Variants in FAT4 observed in about 807,000 individuals in gnomAD.
FAT4 encodes FAT atypical cadherin 4, also known as protocadherin Fat 4.
A neutral mutation model predicts 303.9 loss-of-function variants in FAT4; 84 were observed. The observed-to-expected ratio is 0.28, with a 90% CI of 0.23 to 0.33. The LOEUF (loss-of-function observed/expected upper bound fraction) is 0.33. FAT4 is among the 10% of genes least tolerant of loss of function. The pLI is 1.00. For missense variants in FAT4, 6,005 were observed against 6,146.8 expected (o/e 0.98, Z 0.77); for synonymous variants, 2,307 against 2,298.8 (o/e 1.00, Z -0.10).
In FAT4 at chr4:125,320,000, C is replaced by T. The variant is rs369163263; in HGVS notation, c.3589C>T (p.His1197Tyr). 5.6e-6 allele frequency: 9 copies of T among 1,612,922 alleles called. No homozygotes were observed. The highest frequency in any genetic ancestry group is 7.6e-6 in the Non-Finnish European group (9 of 1,180,006). ...GCCTCTCAAGGATCAGGCCACTGTA[C>T]ATGTTTACATGAAGGATATAAATGA... Reference protein sequence around the residue: ...PQPLKDQATVHVYMKDINDNA... With the variant: ...PQPLKDQATVYVYMKDINDNA... Residue 1197 changes from histidine to tyrosine, a missense_variant, in exon 2 of 18, where the codon CAT becomes TAT. Transcript: ENST00000394329.
intron 7 of FAT4, among the ~76,000 whole-genome samples, chr4:125,422,852 T>C (rs141894751): frequency 5.3e-5 from 8 of 152,262 alleles, no homozygotes; most frequent in African/African-American, 1.9e-4. Flanking sequence ...ACAGACTTTT[T>C]GAATGGCTTT....
rs545416242 is a variant in FAT4 at position 125,492,624 on chromosome 4, A to C, written c.*856A>C. On this transcript the variant is annotated 3_prime_UTR_variant, in exon 18 of 18. Transcript: ENST00000394329. Reference sequence around the variant, plus strand: ...GATTGGACTTATTTTCCAACCAGATAACATTTACTCTAAGTACCCAGTTTT... The same window carrying C: ...GATTGGACTTATTTTCCAACCAGATCACATTTACTCTAAGTACCCAGTTTT... 6.5e-6 allele frequency: 1 copy of C among 152,758 alleles called. No homozygotes were observed. The highest frequency in any genetic ancestry group is 1.9e-4 in the East Asian group (1 of 5,186). 9.5% of individuals were successfully genotyped at this position (152,758 alleles called of 1,614,324 possible). A position where few individuals can be genotyped will look rare whatever the true frequency, so the allele number is the denominator to read the frequency against.
intron 17 of FAT4, among the ~76,000 whole-genome samples, 198 bp from the exon 18 acceptor site, chr4:125,489,703 G>A (rs1012543457): frequency 4.6e-5 from 7 of 151,964 alleles, no homozygotes; most frequent in African/African-American, 1.2e-4. Context: ...TAATCTTAAC[G>A]CACCTTGCTA....
intron 2 of FAT4, among the ~76,000 whole-genome samples, chr4:125,364,552 T>C (rs534542785): frequency 6.6e-6 from 1 of 151,840 alleles, no homozygotes; most frequent in African/African-American, 2.4e-5. Flanking sequence ...ACTAAAGGAG[T>C]CTCGGTGGAA....
chr4:125,369,326 GGAGGCT>G (rs1239212800), intron 2 of FAT4, among the ~76,000 whole-genome samples: 2 of 152,146 alleles, frequency 1.3e-5, no homozygotes, highest in East Asian at 3.9e-4. Flanking sequence ...CAGTTACTCA[GGAGGCT>G]GAGGCAGGAG....
intron 3 of FAT4, among the ~76,000 whole-genome samples, chr4:125,405,375 C>A (rs1326155166): frequency 6.6e-6 from 1 of 152,014 alleles, no homozygotes; most frequent in Non-Finnish European, 1.5e-5. Flanking sequence ...TTCCAATTTC[C>A]CCACTTCTTC....
intron 7 of FAT4, among the ~76,000 whole-genome samples, chr4:125,424,633 T>C (rs1372648240): frequency 1.3e-5 from 2 of 152,196 alleles, no homozygotes; most frequent in African/African-American, 4.8e-5. Flanking sequence ...AAAATGTTTA[T>C]AGAGCACTCT....
intron 2 of FAT4, among the ~76,000 whole-genome samples, chr4:125,336,972 A>G (rs1578535058): frequency 6.6e-6 from 1 of 151,986 alleles, no homozygotes; most frequent in Non-Finnish European, 1.5e-5. Context: ...AAGTAATGGT[A>G]TTTCCATTTT....
chr4:125,340,444 C>G (rs906716016), intron 2 of FAT4, among the ~76,000 whole-genome samples: 1 of 151,536 alleles, frequency 6.6e-6, no homozygotes, highest in East Asian at 1.9e-4. Context: ...AGTGCAGTGG[C>G]GTGATCTCGG....
chr4:125,479,718 G>C lies in FAT4; in HGVS notation c.12480-23G>C, dbSNP rs767029972. 1.9e-6 allele frequency: 3 copies of C among 1,540,494 alleles called. No individual in the cohort carries two copies. The East Asian group carries it at 6.8e-5, about 35-fold the overall frequency. On this transcript the variant is annotated intron_variant, in intron 14 of 17. Transcript: ENST00000394329. ...CTCCTCATCTTTTATGTGCGTTATTGTTCTCATTATGATTTATTTTAGATG... is the reference window on the plus strand; with the variant it reads ...CTCCTCATCTTTTATGTGCGTTATTCTTCTCATTATGATTTATTTTAGATG...
At chr4:125,432,842 A>G (rs1344603827) in intron 7 of FAT4, among the ~76,000 whole-genome samples, 1 of 151,922 alleles carries the variant, frequency 6.6e-6, no homozygotes, top group East Asian at 1.9e-4. Flanking sequence ...TATGGCAACA[A>G]TGATCAGTGT....
Position 125,319,546 on chromosome 4 carries a change from C to T in FAT4, c.3135C>T (p.Gly1045=), listed in dbSNP as rs778916665. The change falls in exon 2 of 18, where the codon GGC becomes GGT. Residue 1045 remains glycine, a synonymous_variant. Coordinates refer to ENST00000394329, the MANE Select transcript of FAT4 (RefSeq NM_001291303.3). ...AAGGAAATACAGGGGATGCTTTTGG[C>T]ATATTCCCAGATGGTCAATTGTATA... is the stretch of plus-strand genomic sequence containing the variant. ...IAEGNTGDAF[G]IFPDGQLYIK... 9.3e-6 allele frequency: 15 copies of T among 1,614,012 alleles called. No individual in the cohort carries two copies. Among genetic ancestry groups the T allele is most frequent in the Non-Finnish European group, 1.2e-5 (14 of 1,180,008 alleles).
chr4:125,336,938 A>G (rs1463766977), intron 2 of FAT4, among the ~76,000 whole-genome samples: 1 of 152,048 alleles, frequency 6.6e-6, no homozygotes, highest in Non-Finnish European at 1.5e-5. Context: ...ATATCATTTA[A>G]TTATCTCAAC....
Position 125,321,189 on chromosome 4 carries a change from C to T in FAT4, c.4778C>T (p.Ser1593Leu), listed in dbSNP as rs1214946503. The T allele has an allele frequency of 1.2e-6, 2 of 1,614,004 alleles. No individual in the cohort carries two copies. Among genetic ancestry groups the T allele is most frequent in the African/African-American group, 2.7e-5 (2 of 74,906 alleles). Residue 1593 changes from serine to leucine, a missense_variant, in exon 2 of 18, where the codon TCA (serine) becomes TTA (leucine). Transcript: ENST00000394329. ...AGAGTGGCTTCAGCGTTGGTGCCTTCACAGTTGATCTACAATCTCATAGTT... is the reference window on the plus strand; with the variant it reads ...AGAGTGGCTTCAGCGTTGGTGCCTTTACAGTTGATCTACAATCTCATAGTT... ...DLRVASALVP[S>L]QLIYNLIVSA...
At position 125,490,951 on chromosome 4, in the gene FAT4, C is replaced by T; in HGVS notation, c.14135C>T (p.Ser4712Phe). The change falls in exon 18 of 18, where the codon TCT becomes TTT. Residue 4712 changes from serine to phenylalanine, a missense_variant. Transcript: ENST00000394329. ...RHSPAPFSKS[S>F]TFYRNSPARE... ...AGTCCAGCCCCTTTCTCCAAATCTT[C>T]TACGTTCTATAGAAACAGCCCAGCA... 1.2e-6 allele frequency: 2 copies of T among 1,614,208 alleles called. No homozygotes were observed. Among genetic ancestry groups the T allele is most frequent in the Non-Finnish European group, 1.7e-6 (2 of 1,180,042 alleles).
chr4:125,472,503 A>G (rs1426096359), intron 12 of FAT4, among the ~76,000 whole-genome samples: 1 of 152,184 alleles, frequency 6.6e-6, no homozygotes, highest in Non-Finnish European at 1.5e-5. Context: ...TATAATTACC[A>G]ATTTCATAAG....
At chr4:125,343,370 A>G (rs1298844230) in intron 2 of FAT4, among the ~76,000 whole-genome samples, 2 of 152,146 alleles carry the variant, frequency 1.3e-5, no homozygotes, top group Non-Finnish European at 2.9e-5. Context: ...GCTAGAACCC[A>G]TAGCACCAAG....
In FAT4 at chr4:125,320,082, C is replaced by A. The variant is rs759796740; in HGVS notation, c.3671C>A (p.Ala1224Asp). Residue 1224 changes from alanine (A) to aspartate (D), a missense_variant, in exon 2 of 18, where the codon GCC becomes GAC. Physicochemically the swap from Ala to Asp is moderately radical, Grantham distance 126 (BLOSUM62 -2). Coordinates refer to ENST00000394329, the MANE Select transcript of FAT4 (RefSeq NM_001291303.3). ...FYQATISESAANLTQVLRVSA... is the reference protein window; with the variant it reads ...FYQATISESADNLTQVLRVSA... ...CAAGCTACAATATCAGAATCAGCAG[C>A]CAATCTGACACAAGTGTTAAGAGTA... The A allele has an allele frequency of 1.2e-6, 2 of 1,613,664 alleles. No individual in the cohort carries two copies. Among genetic ancestry groups the A allele is most frequent in the Admixed American group, 3.3e-5 (2 of 60,012 alleles).
chr4:125,443,488 A>G (rs1725729369), intron 8 of FAT4, among the ~76,000 whole-genome samples: 1 of 151,668 alleles, frequency 6.6e-6, no homozygotes, highest in East Asian at 1.9e-4. Flanking sequence ...CAGAAATTCA[A>G]ACTCTAGATC....
Sources: gnomAD v4.1 joint callset for allele counts (sites outside exome capture counted in the v4.1 genomes callset) on GRCh38, gnomAD v4.1.1 for gene constraint, MANE v1.5 for transcripts, NCBI Gene and HGNC (gene_info 2026-07-23, HGNC 2026-07-21) for gene names.